Variants in RPS6KA5 observed in about 807,000 individuals in gnomAD.
RPS6KA5 encodes ribosomal protein S6 kinase alpha-5.
RPS6KA5 carries 27 observed loss-of-function variants against 85.5 expected under a neutral mutation model. The observed-to-expected ratio is 0.32, with a 90% CI of 0.23 to 0.44. The LOEUF (loss-of-function observed/expected upper bound fraction) is 0.44. Among genes scored for constraint, RPS6KA5 ranks in the 20% least tolerant of loss-of-function variants. The pLI is 1.00. For missense variants in RPS6KA5, 811 were observed against 980.9 expected, an observed-to-expected ratio of 0.83 and a Z score of 2.31; for synonymous variants, 334 against 348.2, an observed-to-expected ratio of 0.96 and a Z score of 0.46.
At chr14:90,923,458 A>G (rs1003695930) in intron 5 of RPS6KA5, among the ~76,000 whole-genome samples, 1 of 151,988 alleles carries the variant, frequency 6.6e-6, no homozygotes, top group East Asian at 1.9e-4. Flanking sequence ...CCATCCATCC[A>G]TCCATCCATC....
chr14:91,035,521 G>A (rs191109599), intron 1 of RPS6KA5, among the ~76,000 whole-genome samples: 17 of 152,170 alleles, frequency 1.1e-4, no homozygotes, highest in Admixed American at 1.1e-3. Context: ...AGGTGTGATG[G>A]TTAGCCTTGG....
rs190389424 is a variant in RPS6KA5, at chr14:90,859,621, A to G, written c.*12453T>C. On this transcript the variant is annotated 3_prime_UTR_variant, in exon 17 of 17. Transcript: ENST00000614987. ...TTAATTAGGTCAGTAAAAACTATACAGATTGAAGTACAGGGAGAAATTAAG... is the reference window on the plus strand; with the variant it reads ...TTAATTAGGTCAGTAAAAACTATACGGATTGAAGTACAGGGAGAAATTAAG... 1 of 152,364 alleles carries G rather than the reference A, an allele frequency of 6.6e-6. No individual in the cohort carries two copies. The highest frequency in any genetic ancestry group is 2.4e-5 in the African/African-American group (1 of 41,580). 9.4% of individuals were successfully genotyped at this position (152,364 alleles called of 1,614,324 possible).
At chr14:90,886,970 T>G (rs1270219342) in intron 14 of RPS6KA5, among the ~76,000 whole-genome samples, 1 of 152,206 alleles carries the variant, frequency 6.6e-6, no homozygotes, top group Non-Finnish European at 1.5e-5. Context: ...GTTTATTAGA[T>G]GTAAAATACA....
chr14:91,020,946 G>A (rs1178133240), intron 1 of RPS6KA5, among the ~76,000 whole-genome samples: 1 of 152,020 alleles, frequency 6.6e-6, no homozygotes, highest in East Asian at 1.9e-4. Context: ...CTTAGGTGAT[G>A]TGTGCTTTGC....
chr14:91,006,904 T>G (rs1453655847), intron 1 of RPS6KA5, among the ~76,000 whole-genome samples: 2 of 152,198 alleles, frequency 1.3e-5, no homozygotes, highest in East Asian at 3.8e-4. Context: ...CTGAACATGC[T>G]GGTCTCAAGA....
chr14:90,989,416 G>A (rs138633753), intron 2 of RPS6KA5, among the ~76,000 whole-genome samples: 273 of 152,236 alleles, frequency 1.8e-3, no homozygotes, highest in Admixed American at 8.9e-3. Context: ...CTCTTACATG[G>A]CAAAATTTTT....
At chr14:91,021,815 C>T (rs2041794120) in intron 1 of RPS6KA5, among the ~76,000 whole-genome samples, 1 of 152,124 alleles carries the variant, frequency 6.6e-6, no homozygotes, top group Admixed American at 6.6e-5. Flanking sequence ...CTTTACTTTT[C>T]TTTTTCTTTC....
intron 2 of RPS6KA5, among the ~76,000 whole-genome samples, chr14:90,986,962 C>T (rs1453301617): frequency 1.3e-5 from 2 of 152,152 alleles, no homozygotes; most frequent in East Asian, 1.9e-4. Flanking sequence ...ATCCATGTCC[C>T]GGGATCTGCT....
At chr14:90,902,719 G>T in intron 9 of RPS6KA5, 89 bp downstream of exon 9, 5 of 1,211,678 alleles carry the variant, frequency 4.1e-6, no homozygotes, top group Non-Finnish European at 5.7e-6. Context: ...TTTTTATGAT[G>T]CCAACAAAAC....
At chr14:90,969,713 T>C (rs2039234405) in intron 3 of RPS6KA5, among the ~76,000 whole-genome samples, 1 of 152,200 alleles carries the variant, frequency 6.6e-6, no homozygotes, top group Non-Finnish European at 1.5e-5. Flanking sequence ...ATACTCTGGC[T>C]GACCTCTAGA....
At chr14:90,977,682 A>C (rs2039625146) in intron 3 of RPS6KA5, among the ~76,000 whole-genome samples, 1 of 152,216 alleles carries the variant, frequency 6.6e-6, no homozygotes, top group African/African-American at 2.4e-5. Flanking sequence ...CCACTTCACC[A>C]ATCAGTTCCT....
In RPS6KA5 at chr14:90,890,689, T is replaced by C; in HGVS notation, c.1645-11A>G. On this transcript the variant is annotated splice_polypyrimidine_tract_variant and intron_variant, in intron 13 of 16. Transcript: ENST00000614987. Reference sequence around the variant, plus strand: ...GGTGAACAATAAATTCTGCAAGATATCAATGCTTACATTAGTTTCTCACTA... The same window carrying C: ...GGTGAACAATAAATTCTGCAAGATACCAATGCTTACATTAGTTTCTCACTA... 1.9e-6 allele frequency: 3 copies of C among 1,606,288 alleles called. No homozygotes were observed. The highest frequency in any genetic ancestry group is 2.2e-5 in the East Asian group (1 of 44,790).
chr14:90,978,115 C>A (rs1389623649), intron 3 of RPS6KA5, among the ~76,000 whole-genome samples, 191 bp downstream of exon 3: 1 of 152,050 alleles, frequency 6.6e-6, no homozygotes, highest in Non-Finnish European at 1.5e-5. Flanking sequence ...GTAAATTCTT[C>A]CATAATGGCA....
intron 3 of RPS6KA5, among the ~76,000 whole-genome samples, chr14:90,959,809 C>T (rs757277576): frequency 6.6e-5 from 10 of 152,158 alleles, no homozygotes; most frequent in Non-Finnish European, 1.2e-4. Context: ...GAATCCACAG[C>T]TTTTGTGAGA....
chr14:90,877,208 T>C (rs1000194933), intron 14 of RPS6KA5, among the ~76,000 whole-genome samples: 1 of 152,162 alleles, frequency 6.6e-6, no homozygotes, highest in Non-Finnish European at 1.5e-5. Flanking sequence ...TGCATGAGAA[T>C]GCGCAGAGTT....
At chr14:91,054,637 G>GA (rs764680509) in intron 1 of RPS6KA5, among the ~76,000 whole-genome samples, 4,014 of 79,202 alleles carry the variant, frequency 0.051, 126 homozygotes, top group African/African-American at 0.14. Flanking sequence ...CTCTGTCTCA[G>GA]AAAAAAAAAA....
Position 91,001,108 on chromosome 14 carries a change from A to C in RPS6KA5, c.155T>G (p.Leu52Arg). ...CTTACCTCCAGTTCCTAGGACCTTC[A>C]GGAGCTCAAAATTTTCTATTCCCAC... ...EKVGIENFEL[L>R]KVLGTGAYGK... Residue 52 changes from leucine (L) to arginine (R), a missense_variant, in exon 2 of 17, where the codon CTG (leucine) becomes CGG (arginine). Physicochemically the swap from Leu to Arg is moderately radical, Grantham distance 102 (BLOSUM62 -2). This residue lies in a region of RPS6KA5 where 113 missense variants were observed against 100.0 expected (regional missense o/e 1.13). Transcript: ENST00000614987. The C allele has an allele frequency of 6.3e-7, 1 of 1,597,512 alleles. No individual in the cohort carries two copies. The highest frequency in any genetic ancestry group is 8.5e-7 in the Non-Finnish European group (1 of 1,170,394).
intron 3 of RPS6KA5, among the ~76,000 whole-genome samples, chr14:90,953,109 G>T (rs1369709799): frequency 6.6e-6 from 1 of 152,188 alleles, no homozygotes; most frequent in South Asian, 2.1e-4. Flanking sequence ...GATGTTGCGA[G>T]AAATCAGGGA....
chr14:91,025,521 G>GT (rs1254346323), intron 1 of RPS6KA5, among the ~76,000 whole-genome samples: 1 of 152,174 alleles, frequency 6.6e-6, no homozygotes, highest in East Asian at 1.9e-4. Flanking sequence ...GTCATGTGTG[G>GT]TTTTCAGCTT....
Sources: allele counts gnomAD v4.1 joint callset (sites outside exome capture counted in the v4.1 genomes callset), GRCh38; gene constraint gnomAD v4.1.1; regional missense constraint gnomAD v4.1.1; transcripts MANE v1.5; gene names NCBI Gene and HGNC (gene_info 2026-07-23, HGNC 2026-07-21).